Variants in BACE2 observed in about 807,000 individuals in gnomAD.
BACE2 encodes beta-secretase 2.
BACE2 carries 17 observed loss-of-function variants against 46.2 expected under a neutral mutation model. That is an observed-to-expected ratio of 0.37 (90% CI 0.25 to 0.55). The LOEUF (loss-of-function observed/expected upper bound fraction) is 0.55, where lower values mean the gene tolerates loss of function less well. Among genes scored for constraint, BACE2 ranks in the 20% least tolerant of loss-of-function variants. BACE2 has a pLI of 0.82. For synonymous variants in BACE2, 277 were observed against 295.9 expected (o/e 0.94, Z 0.66); for missense variants, 595 against 698.1 (o/e 0.85, Z 1.66).
chr21:41,239,940 A>G (rs1287278140), intron 3 of BACE2, among the ~76,000 whole-genome samples: 1 of 152,246 alleles, frequency 6.6e-6, no homozygotes, highest in Non-Finnish European at 1.5e-5. Flanking sequence ...GAGTAAACCT[A>G]AATTGCCTGG....
intron 6 of BACE2, among the ~76,000 whole-genome samples, chr21:41,249,597 T>C (rs1987581865): frequency 6.6e-6 from 1 of 152,128 alleles, no homozygotes; most frequent in Non-Finnish European, 1.5e-5. Context: ...CACCGCAGCA[T>C]CTTCTGCAGC....
At chr21:41,236,995 G>A (rs1197619816) in intron 2 of BACE2, among the ~76,000 whole-genome samples, 1 of 152,190 alleles carries the variant, frequency 6.6e-6, no homozygotes, top group Non-Finnish European at 1.5e-5. Context: ...AAACATTAGC[G>A]ATTATGTTTT....
chr21:41,221,685 G>A (rs1167344685), intron 1 of BACE2, among the ~76,000 whole-genome samples: 4 of 152,126 alleles, frequency 2.6e-5, no homozygotes, highest in Admixed American at 6.5e-5. Flanking sequence ...AAAATTAGCT[G>A]GGCGTGGTGG....
At chr21:41,229,440 C>G (rs1479080276) in intron 2 of BACE2, among the ~76,000 whole-genome samples, 1 of 152,180 alleles carries the variant, frequency 6.6e-6, no homozygotes, top group Non-Finnish European at 1.5e-5. Flanking sequence ...GCAAGTCAAG[C>G]CCTGTGGATG....
intron 1 of BACE2, 115 bp downstream of exon 1, chr21:41,168,690 CAGAA>C: frequency 7.8e-6 from 6 of 765,818 alleles, no homozygotes; most frequent in Non-Finnish European, 1.1e-5. Context: ...TGTCCCCGCA[CAGAA>C]GAGCGGGGAA....
In BACE2 at chr21:41,170,112, G is replaced by A. The variant is rs145797407; in HGVS notation, c.312+1537G>A. Among the ~76,000 whole-genome samples the A allele has an allele frequency of 5.1e-3, 776 of 152,194 alleles. 7 individuals carry two copies. The highest frequency in any genetic ancestry group is 0.018 in the African/African-American group (740 of 41,534). On this transcript the variant is annotated intron_variant, in intron 1 of 8. Transcript: ENST00000330333. ...CTCTCTACTAAAAGTAAATGTGGGT[G>A]GTCTGAGGGCTATGATAAAAGAAGC...
At chr21:41,172,226 GAA>G (rs1984631655) in intron 1 of BACE2, among the ~76,000 whole-genome samples, 1 of 152,230 alleles carries the variant, frequency 6.6e-6, no homozygotes, top group Non-Finnish European at 1.5e-5. Context: ...GGGCTTTAGA[GAA>G]AGAATTCATC....
intron 8 of BACE2, among the ~76,000 whole-genome samples, chr21:41,257,925 G>A (rs1486975001): frequency 1.3e-5 from 2 of 152,208 alleles, no homozygotes; most frequent in Non-Finnish European, 2.9e-5. Context: ...GCTTGAAAAT[G>A]TCTTCAGACT....
At chr21:41,221,892 G>C (rs1368069247) in intron 1 of BACE2, among the ~76,000 whole-genome samples, 1 of 151,606 alleles carries the variant, frequency 6.6e-6, no homozygotes, top group Non-Finnish European at 1.5e-5. Flanking sequence ...TTACAGGCAT[G>C]CACGGCAGAC....
chr21:41,203,294 A>G (rs529741420), intron 1 of BACE2, among the ~76,000 whole-genome samples: 48 of 152,202 alleles, frequency 3.2e-4, no homozygotes, highest in African/African-American at 1.2e-3. Flanking sequence ...GGCATCTTCA[A>G]TGAGGGAGCT....
chr21:41,229,725 T>G (rs1986921283), intron 2 of BACE2, among the ~76,000 whole-genome samples: 1 of 152,230 alleles, frequency 6.6e-6, no homozygotes, highest in African/African-American at 2.4e-5. Context: ...GTGGGACACA[T>G]CTCTCTTACT....
chr21:41,217,151 T>C (rs2123557390), intron 1 of BACE2, among the ~76,000 whole-genome samples: 1 of 152,272 alleles, frequency 6.6e-6, no homozygotes, highest in South Asian at 2.1e-4. Context: ...AGGCTGGTCT[T>C]GAACTCTGAC....
intron 7 of BACE2, among the ~76,000 whole-genome samples, chr21:41,253,805 A>G (rs1987705348): frequency 6.6e-6 from 1 of 152,162 alleles, no homozygotes; most frequent in South Asian, 2.1e-4. Flanking sequence ...TTCACTTATA[A>G]TGGTAGATAT....
chr21:41,168,218 A>T lies in BACE2; in HGVS notation c.-46A>T, dbSNP rs1984450156. The T allele has an allele frequency of 1.2e-5, 13 of 1,067,446 alleles. No individual in the cohort carries two copies. Among genetic ancestry groups the T allele is most frequent in the Non-Finnish European group, 1.5e-5 (13 of 874,202 alleles). The allele number at this position is 1,067,446 out of a possible 1,614,324, so 66.1% of individuals were successfully genotyped here. Reference sequence around the variant, plus strand: ...CGCTGAGCCGCGGCTGCCGGACGGGACGGGACCGGCTAGGCTGGGCGCGCC... The same window carrying T: ...CGCTGAGCCGCGGCTGCCGGACGGGTCGGGACCGGCTAGGCTGGGCGCGCC... On this transcript the variant is annotated 5_prime_UTR_variant, in exon 1 of 9. Coordinates refer to ENST00000330333, the MANE Select transcript of BACE2 (RefSeq NM_012105.5).
At position 41,226,266 on chromosome 21, in the gene BACE2, C is replaced by A. The variant is rs1378649847; in HGVS notation, c.313C>A (p.Leu105Ile). The change falls in exon 2 of 9, where the codon CTA becomes ATA. Residue 105 changes from leucine (L) to isoleucine (I), a missense_variant and splice_region_variant. Transcript: ENST00000330333. Reference sequence around the variant, plus strand: ...TTTTTTTCTCCTTAAAACATAAAAGCTACAGATTCTCGTTGACACTGGAAG... The same window carrying A: ...TTTTTTTCTCCTTAAAACATAAAAGATACAGATTCTCGTTGACACTGGAAG... The part of the protein sequence containing the change: ...EMLIGTPPQK[L>I]QILVDTGSSN... 6.2e-7 allele frequency: 1 copy of A among 1,611,478 alleles called. No individual in the cohort carries two copies. Among genetic ancestry groups the A allele is most frequent in the Admixed American group, 1.7e-5 (1 of 59,738 alleles).
At position 41,278,111 on chromosome 21, in the gene BACE2, G is replaced by A. The variant is rs1053017029; in HGVS notation, c.*2487G>A. The stretch of plus-strand genomic sequence containing the variant: ...AAGGAATTAACAACCCTTTGAGGGT[G>A]TCATTTTTACCTTGTAATACACTGT... On this transcript the variant is annotated 3_prime_UTR_variant, in exon 9 of 9. Transcript: ENST00000330333. The A allele has an allele frequency of 6.6e-6, 1 of 152,192 alleles. No individual in the cohort carries two copies. Among genetic ancestry groups the A allele is most frequent in the African/African-American group, 2.4e-5 (1 of 41,438 alleles). The allele number at this position is 152,192 out of a possible 1,614,324, so 9.4% of individuals were successfully genotyped here.
At chr21:41,233,893 G>A (rs1184465027) in intron 2 of BACE2, among the ~76,000 whole-genome samples, 2 of 152,180 alleles carry the variant, frequency 1.3e-5, no homozygotes, top group Admixed American at 6.5e-5. Context: ...CCCAGGAGGC[G>A]GAGGTTGCAG....
At chr21:41,226,927 G>A (rs1986835713) in intron 2 of BACE2, among the ~76,000 whole-genome samples, 1 of 152,218 alleles carries the variant, frequency 6.6e-6, no homozygotes, top group South Asian at 2.1e-4. Flanking sequence ...CTGCACATGA[G>A]CAATTATGGG....
intron 1 of BACE2, among the ~76,000 whole-genome samples, chr21:41,212,960 G>T (rs1313450660): frequency 6.6e-6 from 1 of 152,204 alleles, no homozygotes; most frequent in Non-Finnish European, 1.5e-5. Flanking sequence ...TTAATTCTTT[G>T]CACACATGAT....
Sources: gnomAD v4.1 joint callset for allele counts (sites outside exome capture counted in the v4.1 genomes callset) on GRCh38, gnomAD v4.1.1 for gene constraint, MANE v1.5 for transcripts, NCBI Gene and HGNC (gene_info 2026-07-23, HGNC 2026-07-21) for gene names.